CCDC102B: variants seen among roughly 807,000 people sequenced by gnomAD.
CCDC102B encodes the protein coiled-coil domain containing 102B, also known as coiled-coil domain-containing protein 102B.
In CCDC102B, 75 loss-of-function variants were observed where a neutral mutation model predicts 57.4. That is an observed-to-expected ratio of 1.31 (90% CI 1.08 to 1.58). The LOEUF (loss-of-function observed/expected upper bound fraction) is 1.58. Among genes scored for constraint, CCDC102B ranks in the 40% most tolerant of loss-of-function variants. The pLI is 0.00. For synonymous variants in CCDC102B, 206 were observed against 201.9 expected (o/e 1.02, Z -0.17); for missense variants, 636 against 582.6 (o/e 1.09, Z -0.94).
chr18:68,895,910 GC>G (rs1442304366), intron 5 of CCDC102B, among the ~76,000 whole-genome samples: 1 of 151,874 alleles, frequency 6.6e-6, no homozygotes, highest in Admixed American at 6.6e-5. Flanking sequence ...ATATCCATAT[GC>G]CTAAATATAT....
At chr18:69,028,152 T>A (rs951142748) in intron 7 of CCDC102B, among the ~76,000 whole-genome samples, 6 of 152,128 alleles carry the variant, frequency 3.9e-5, no homozygotes, top group Non-Finnish European at 5.9e-5. Context: ...ACTAAGGACA[T>A]CTAGCTTAGT....
intron 6 of CCDC102B, among the ~76,000 whole-genome samples, chr18:68,920,524 G>A (rs1011183791): frequency 1.3e-5 from 2 of 152,108 alleles, no homozygotes; most frequent in African/African-American, 4.8e-5. Context: ...TGGACTTATA[G>A]CTCCATATGG....
At chr18:68,872,928 T>C (rs1261837175) in intron 4 of CCDC102B, among the ~76,000 whole-genome samples, 1 of 152,148 alleles carries the variant, frequency 6.6e-6, no homozygotes, top group Non-Finnish European at 1.5e-5. Context: ...CTCCTCTCTC[T>C]TTTGAGTGGT....
chr18:69,052,516 TAGTG>T (rs1294785926), intron 7 of CCDC102B, among the ~76,000 whole-genome samples: 4 of 151,870 alleles, frequency 2.6e-5, no homozygotes, highest in Middle Eastern at 3.4e-3. Flanking sequence ...CACACATACA[TAGTG>T]TGTGTGTGCA....
intron 2 of CCDC102B, chr18:68,754,367 A>G (rs1174022686): frequency 6.6e-6 from 1 of 152,188 alleles, no homozygotes; most frequent in Non-Finnish European, 1.5e-5. Flanking sequence ...ATTTAGTATG[A>G]AAGTAACTGA....
At chr18:68,803,463 G>A (rs1315218803) in intron 1 of CCDC102B, among the ~76,000 whole-genome samples, 2 of 152,176 alleles carry the variant, frequency 1.3e-5, no homozygotes. Context: ...AATAACCAGG[G>A]AATGTCCCTT....
chr18:68,750,226 A>C (rs1005405753), intron 2 of CCDC102B, among the ~76,000 whole-genome samples: 10 of 152,232 alleles, frequency 6.6e-5, no homozygotes, highest in Non-Finnish European at 1.5e-4. Flanking sequence ...AGAAATGCAA[A>C]TCAAAACCAC....
chr18:68,762,760 T>G (rs538099653), intron 2 of CCDC102B, among the ~76,000 whole-genome samples: 31 of 152,314 alleles, frequency 2.0e-4, no homozygotes, highest in Admixed American at 4.6e-4. Flanking sequence ...CACCTCACAC[T>G]GTAAACGTTA....
intron 6 of CCDC102B, among the ~76,000 whole-genome samples, chr18:68,927,549 C>T (rs537381156): frequency 8.6e-5 from 13 of 151,996 alleles, no homozygotes; most frequent in East Asian, 1.9e-4. Context: ...CCTGGGAAGA[C>T]GCCAAATAAT....
intron 2 of CCDC102B, among the ~76,000 whole-genome samples, chr18:68,735,265 G>C (rs1013828669): frequency 1.3e-5 from 2 of 151,770 alleles, no homozygotes; most frequent in Non-Finnish European, 2.9e-5. Flanking sequence ...CACCATGTTG[G>C]CCAGGATGGT....
At chr18:68,745,763 C>T (rs576589255) in intron 2 of CCDC102B, among the ~76,000 whole-genome samples, 1 of 152,268 alleles carries the variant, frequency 6.6e-6, no homozygotes, top group East Asian at 1.9e-4. Flanking sequence ...ACTCTAGTAA[C>T]CACGATTTTC....
chr18:68,765,220 TC>T (rs1345693294), intron 2 of CCDC102B, among the ~76,000 whole-genome samples: 1 of 145,712 alleles, frequency 6.9e-6, no homozygotes, highest in African/African-American at 2.6e-5. Context: ...TGAGAATTTG[TC>T]AAGAAAGAAA....
At position 68,736,452 on chromosome 18, in the gene CCDC102B, G is replaced by T. The variant is rs563288212; in HGVS notation, c.-67+19858G>T. Among the ~76,000 whole-genome samples, 550 of 152,282 alleles carry T rather than the reference G, an allele frequency of 3.6e-3. 5 individuals are homozygous for T. The highest frequency in any genetic ancestry group is 9.9e-3 in the South Asian group (48 of 4,832). On this transcript the variant is annotated intron_variant, in intron 2 of 3. Coordinates refer to the CCDC102B transcript ENST00000578970. The stretch of plus-strand genomic sequence containing the variant: ...ATTATTTAAATTGTGTATTTTAATA[G>T]TATTCTGATCAAAACCATTATTAAT...
At chr18:68,850,796 G>A (rs947308759) in intron 4 of CCDC102B, among the ~76,000 whole-genome samples, 2 of 151,340 alleles carry the variant, frequency 1.3e-5, no homozygotes, top group African/African-American at 4.9e-5. Flanking sequence ...TCAATGGCTG[G>A]GTCCATGCTG....
chr18:68,852,680 G>A (rs1459870439), intron 4 of CCDC102B, among the ~76,000 whole-genome samples: 6 of 152,062 alleles, frequency 3.9e-5, no homozygotes, highest in African/African-American at 1.4e-4. Context: ...GGATATGGAA[G>A]TATACACTTT....
At chr18:68,755,177 C>T (rs2034003138) in intron 2 of CCDC102B, among the ~76,000 whole-genome samples, 1 of 152,160 alleles carries the variant, frequency 6.6e-6, no homozygotes, top group East Asian at 1.9e-4. Context: ...CAGAGAAAGC[C>T]TTAAACCTGC....
intron 5 of CCDC102B, among the ~76,000 whole-genome samples, chr18:68,884,565 A>G (rs2144970054): frequency 6.8e-6 from 1 of 146,260 alleles, no homozygotes; most frequent in Admixed American, 6.9e-5. Context: ...AAGGCAACAG[A>G]AATACATACA....
At chr18:68,884,571 A>G (rs2039809941) in intron 5 of CCDC102B, among the ~76,000 whole-genome samples, 1 of 142,454 alleles carries the variant, frequency 7.0e-6, no homozygotes, top group South Asian at 2.2e-4. Flanking sequence ...ACAGAAATAC[A>G]TACAATACAA....
At chr18:68,963,026 T>C (rs2050082009) in intron 6 of CCDC102B, among the ~76,000 whole-genome samples, 1 of 152,050 alleles carries the variant, frequency 6.6e-6, no homozygotes, top group Non-Finnish European at 1.5e-5. Context: ...CATCTTTTTA[T>C]AGTGCATTTC....
Sources: allele counts gnomAD v4.1 joint callset (sites outside exome capture counted in the v4.1 genomes callset), GRCh38; gene constraint gnomAD v4.1.1; transcripts MANE v1.5; gene names NCBI Gene and HGNC (gene_info 2026-07-23, HGNC 2026-07-21).